RFTN1: variants seen among roughly 807,000 people sequenced by gnomAD.
RFTN1 encodes raftlin.
RFTN1 carries 26 observed loss-of-function variants against 46.5 expected under a neutral mutation model. The observed-to-expected ratio is 0.56, with a 90% CI of 0.41 to 0.78. The LOEUF (loss-of-function observed/expected upper bound fraction) is 0.78, where lower values mean the gene tolerates loss of function less well. Ranked by LOEUF, RFTN1 falls within the 30% of genes least tolerant of loss-of-function variation. The pLI is 0.00. For missense variants in RFTN1, 693 were observed against 718.7 expected, an observed-to-expected ratio of 0.96 and a Z score of 0.41; for synonymous variants, 261 against 284.2, an observed-to-expected ratio of 0.92 and a Z score of 0.82.
intron 2 of RFTN1, among the ~76,000 whole-genome samples, chr3:16,472,284 G>A (rs766985453): frequency 2.0e-5 from 3 of 151,626 alleles, no homozygotes; most frequent in Non-Finnish European, 4.4e-5. Flanking sequence ...GAAAGGCAAA[G>A]TGTTCTTCTC....
rs540045634 is a variant in RFTN1 at position 16,481,215 on chromosome 3, C to T, written c.145+12510G>A. Among the ~76,000 whole-genome samples, 2 of 152,162 alleles carry T rather than the reference C, an allele frequency of 1.3e-5. No homozygotes were observed. The highest frequency in any genetic ancestry group is 2.4e-5 in the African/African-American group (1 of 41,430). On this transcript the variant is annotated intron_variant, in intron 2 of 9. Coordinates refer to ENST00000334133, the MANE Select transcript of RFTN1 (RefSeq NM_015150.2). The surrounding 1 kb of genome is among the most constrained non-coding windows in gnomAD (Gnocchi z 5.1). ...AGTGAATATTTAACAATAACACTAA[C>T]GCTAATAGCAGACTTGGTCGCAACA...
rs532385881 is a variant in RFTN1, at chr3:16,513,047, A to T, written c.-9+395T>A. On this transcript the variant is annotated intron_variant, in intron 1 of 9. Coordinates refer to ENST00000334133, the MANE Select transcript of RFTN1 (RefSeq NM_015150.2). This position sits in a 1 kb window ranked among gnomAD's most constrained non-coding sequence, Gnocchi z 5.4. ...CCTCCTGTTCTTTTCCGAGGACCCC[A>T]GCGGCAGTGTGTCCTGGACCCACCT... is the stretch of plus-strand genomic sequence containing the variant. 2 of 152,534 alleles carry T rather than the reference A, an allele frequency of 1.3e-5. No individual in the cohort carries two copies. The highest frequency in any genetic ancestry group is 4.8e-5 in the African/African-American group (2 of 41,526). The allele number at this position is 152,534 out of a possible 1,614,324, so 9.4% of individuals were successfully genotyped here.
At chr3:16,366,415 T>C (rs1011917251) in intron 6 of RFTN1, among the ~76,000 whole-genome samples, 5 of 152,048 alleles carry the variant, frequency 3.3e-5, no homozygotes, top group Non-Finnish European at 5.9e-5. Flanking sequence ...GACATGTTCC[T>C]GAGTGCCTGG....
At chr3:16,510,950 G>A (rs1361366453) in intron 1 of RFTN1, among the ~76,000 whole-genome samples, 3 of 152,238 alleles carry the variant, frequency 2.0e-5, no homozygotes, top group Non-Finnish European at 1.5e-5. Context: ...GACATACTCC[G>A]GAACATAAGT....
rs2076520411 is a variant in RFTN1, at chr3:16,490,346, T to TAGGGGCC, written c.145+3372_145+3378dup. 3.9e-5 allele frequency among the ~76,000 whole-genome samples: 6 copies of TAGGGGCC among 152,052 alleles called. No homozygotes were observed. The South Asian group carries it at 1.2e-3, about 32-fold the overall frequency. On this transcript the variant is annotated intron_variant, in intron 2 of 9. Coordinates refer to ENST00000334133, the MANE Select transcript of RFTN1 (RefSeq NM_015150.2). ...TGGGGTCCTAGCAAGCAGTAAGAGG[T>TAGGGGCC]AGGGGCCTGTGCAGAAAGAGCTGCC... is the stretch of plus-strand genomic sequence containing the variant.
chr3:16,440,839 T>C lies in RFTN1; in HGVS notation c.146-6802A>G, dbSNP rs767558125. On this transcript the variant is annotated intron_variant, in intron 2 of 9. Transcript: ENST00000334133. The surrounding 1 kb of genome is among the most constrained non-coding windows in gnomAD (Gnocchi z 4.6). ...TCAAGACCTAGCAGCCTGCAGAGTATGGATGGGGCATTTGATAAAGTTGGG... is the reference window on the plus strand; with the variant it reads ...TCAAGACCTAGCAGCCTGCAGAGTACGGATGGGGCATTTGATAAAGTTGGG... Among the ~76,000 whole-genome samples the C allele has an allele frequency of 2.0e-5, 3 of 152,182 alleles. No individual in the cohort carries two copies. Among genetic ancestry groups the C allele is most frequent in the Non-Finnish European group, 4.4e-5 (3 of 68,034 alleles).
At position 16,370,271 on chromosome 3, in the gene RFTN1, T is replaced by C; in HGVS notation, c.835A>G (p.Ile279Val). The C allele has an allele frequency of 6.2e-7, 1 of 1,614,022 alleles. No homozygotes were observed. The highest frequency in any genetic ancestry group is 8.5e-7 in the Non-Finnish European group (1 of 1,179,982). Residue 279 changes from isoleucine (I) to valine (V), a missense_variant, in exon 6 of 10, where the codon ATC becomes GTC. Transcript: ENST00000334133. The surrounding 1 kb of genome is among the most constrained non-coding windows in gnomAD (Gnocchi z 5.5). The stretch of plus-strand genomic sequence containing the variant: ...TTCGGTTTGTTGAAAAGGGTGAAGA[T>C]CTCCATTTCTGTTGGGATTTGTAAA... ...HEEPLSGKME[I>V]FTLFNKPKSH...
In RFTN1 at chr3:16,345,238, G is replaced by A. The variant is rs1237326913; in HGVS notation, c.1146+12694C>T. 6.6e-6 allele frequency: 1 copy of A among 150,510 alleles called. No individual in the cohort carries two copies. Among genetic ancestry groups the A allele is most frequent in the Admixed American group, 6.6e-5 (1 of 15,076 alleles). 9.3% of individuals were successfully genotyped at this position (150,510 alleles called of 1,614,324 possible). On this transcript the variant is annotated intron_variant, in intron 7 of 9. Transcript: ENST00000334133. This position sits in a 1 kb window ranked among gnomAD's most constrained non-coding sequence, Gnocchi z 5.2. ...AGCCCACCTGGATTTCTGGCCCACA[G>A]AAACTGTAAGATAATAAGTAGGTGG... is the stretch of plus-strand genomic sequence containing the variant.
chr3:16,335,868 G>T lies in RFTN1; in HGVS notation c.1147-8992C>A, dbSNP rs766171014. Among the ~76,000 whole-genome samples the T allele has an allele frequency of 6.6e-6, 1 of 152,174 alleles. No individual in the cohort carries two copies. Among genetic ancestry groups the T allele is most frequent in the Admixed American group, 6.5e-5 (1 of 15,278 alleles). ...AGCCTGGAAACTGGATGGATGGATG[G>T]TGAGGTCTCAGGAGGCCACAGGCAG... On this transcript the variant is annotated intron_variant, in intron 7 of 9. Coordinates refer to ENST00000334133, the MANE Select transcript of RFTN1 (RefSeq NM_015150.2). The surrounding 1 kb of genome is among the most constrained non-coding windows in gnomAD (Gnocchi z 4.7).
chr3:16,507,554 G>GGAAT lies in RFTN1; in HGVS notation c.-9+5887_-9+5888insATTC, dbSNP rs1330829354. On this transcript the variant is annotated intron_variant, in intron 1 of 9. Transcript: ENST00000334133. This position sits in a 1 kb window ranked among gnomAD's most constrained non-coding sequence, Gnocchi z 7.1. ...TTAGCGCTATTCCATAAAACTTGAA[G>GGAAT]GATTCCTCAGGACAAAGGGTAAAAG... Among the ~76,000 whole-genome samples, 1 of 151,452 alleles carries GGAAT rather than the reference G, an allele frequency of 6.6e-6. No homozygotes were observed. The highest frequency in any genetic ancestry group is 2.4e-5 in the African/African-American group (1 of 41,116).
At chr3:16,461,010 G>A (rs1167429391) in intron 2 of RFTN1, among the ~76,000 whole-genome samples, 1 of 152,238 alleles carries the variant, frequency 6.6e-6, no homozygotes, top group African/African-American at 2.4e-5. Flanking sequence ...AGGAGGCCAC[G>A]CCACAGAGGC....
chr3:16,404,632 A>C (rs564472008), intron 4 of RFTN1, among the ~76,000 whole-genome samples: 1 of 151,260 alleles, frequency 6.6e-6, no homozygotes, highest in African/African-American at 2.4e-5. Flanking sequence ...GCTCTTCCTC[A>C]GCCTTATGCC....
At position 16,345,784 on chromosome 3, in the gene RFTN1, A is replaced by ATC. The variant is rs200513735; in HGVS notation, c.1146+12146_1146+12147dup. ...CACATGAGCCAAAACCTTATAATAA[A>ATC]TCTCTGTGTGTGTGTGTGTGTGTGT... On this transcript the variant is annotated intron_variant, in intron 7 of 9. Coordinates refer to ENST00000334133, the MANE Select transcript of RFTN1 (RefSeq NM_015150.2). The surrounding 1 kb of genome is among the most constrained non-coding windows in gnomAD (Gnocchi z 5.2). Among the ~76,000 whole-genome samples, 7 of 107,838 alleles carry ATC rather than the reference A, an allele frequency of 6.5e-5. No individual in the cohort carries two copies. The highest frequency in any genetic ancestry group is 1.5e-4 in the African/African-American group (4 of 26,984). 70.7% of individuals were successfully genotyped at this position (107,838 alleles called of 152,430 possible). A position where few individuals can be genotyped will look rare whatever the true frequency, so the allele number is the denominator to read the frequency against.
Position 16,383,484 on chromosome 3 carries a change from T to C in RFTN1, c.442-5382A>G, listed in dbSNP as rs1371549939. On this transcript the variant is annotated intron_variant, in intron 4 of 9. Transcript: ENST00000334133. The surrounding 1 kb of genome is among the most constrained non-coding windows in gnomAD (Gnocchi z 4.0). The stretch of plus-strand genomic sequence containing the variant: ...AAAAATATTTCTTTTTAAAAAAATG[T>C]AGTTATATAAAAAGTCACAAGTCAT... 6.6e-6 allele frequency among the ~76,000 whole-genome samples: 1 copy of C among 152,222 alleles called. No homozygotes were observed. Among genetic ancestry groups the C allele is most frequent in the African/African-American group, 2.4e-5 (1 of 41,446 alleles).
chr3:16,397,069 G>GAAAAAA (rs11290510), intron 4 of RFTN1, among the ~76,000 whole-genome samples: 1 of 117,120 alleles, frequency 8.5e-6, no homozygotes, highest in Non-Finnish European at 1.8e-5. Flanking sequence ...GTCTCAAAAT[G>GAAAAAA]AAAAAAAAAA....
intron 7 of RFTN1, among the ~76,000 whole-genome samples, chr3:16,333,726 GAAAAA>G (rs930636954): frequency 6.6e-6 from 1 of 150,814 alleles, no homozygotes; most frequent in Non-Finnish European, 1.5e-5. Context: ...TCATATTACA[GAAAAA>G]AAAGGGCTTG....
intron 3 of RFTN1, among the ~76,000 whole-genome samples, chr3:16,414,590 TGAGAC>T: frequency 1.4e-5 from 2 of 138,620 alleles, no homozygotes; most frequent in Non-Finnish European, 3.1e-5. Flanking sequence ...AGCAACAGAG[TGAGAC>T]TTCATCTCAA....
In RFTN1 at chr3:16,428,751, C is replaced by T. The variant is rs138798417; in HGVS notation, c.332+5100G>A. Among the ~76,000 whole-genome samples the T allele has an allele frequency of 2.0e-3, 302 of 152,308 alleles. 3 individuals carry two copies. Among genetic ancestry groups the T allele is most frequent in the African/African-American group, 6.8e-3 (284 of 41,578 alleles). On this transcript the variant is annotated intron_variant, in intron 3 of 9. Coordinates refer to ENST00000334133, the MANE Select transcript of RFTN1 (RefSeq NM_015150.2). The surrounding 1 kb of genome is among the most constrained non-coding windows in gnomAD (Gnocchi z 4.7). ...CAGCTGAAAAATGGCCAGCACCATG[C>T]ATTTTTGTACTGCAGTTACATCTAT...
intron 3 of RFTN1, among the ~76,000 whole-genome samples, chr3:16,409,792 C>T (rs2074945150): frequency 6.6e-6 from 1 of 150,978 alleles, no homozygotes; most frequent in Admixed American, 6.6e-5. Context: ...TCACGCCATT[C>T]TCCTGCCTCA....
Sources: allele counts gnomAD v4.1 joint callset (sites outside exome capture counted in the v4.1 genomes callset), GRCh38; gene constraint gnomAD v4.1.1; non-coding constraint Gnocchi (gnomAD v3.1); transcripts MANE v1.5; gene names NCBI Gene and HGNC (gene_info 2026-07-23, HGNC 2026-07-21).